SMARCA2: variants seen among roughly 807,000 people sequenced by gnomAD.
SMARCA2 encodes SWI/SNF related BAF chromatin remodeling complex subunit ATPase 2.
A neutral mutation model predicts 199.8 loss-of-function variants in SMARCA2; 61 were observed. That is an observed-to-expected ratio of 0.31 (90% CI 0.25 to 0.38). SMARCA2 has a LOEUF of 0.38. SMARCA2 is among the 10% of genes least tolerant of loss of function. The probability of loss-of-function intolerance (pLI) is 1.00; values close to 1 mark genes in which losing one functional copy is unlikely to be tolerated. For synonymous variants in SMARCA2, 935 were observed against 732.0 expected, an observed-to-expected ratio of 1.28 and a Z score of -4.48; for missense variants, 1,344 against 2,012.2, an observed-to-expected ratio of 0.67 and a Z score of 6.35.
At chr9:2,149,180 C>T (rs548015127) in intron 27 of SMARCA2, among the ~76,000 whole-genome samples, 1 of 151,252 alleles carries the variant, frequency 6.6e-6, no homozygotes, top group East Asian at 1.9e-4. Flanking sequence ...GCAAAAGGCA[C>T]TTCTTACATG....
chr9:2,040,216 A>G (rs1477797369), intron 4 of SMARCA2: 1 of 567,334 alleles, frequency 1.8e-6, no homozygotes, highest in Non-Finnish European at 3.1e-6. Flanking sequence ...CACAAGGTTA[A>G]GAACCTCTGG....
intron 3 of SMARCA2, among the ~76,000 whole-genome samples, chr9:2,036,618 C>T (rs372841431): frequency 1.3e-5 from 2 of 152,264 alleles, no homozygotes; most frequent in South Asian, 2.1e-4. Context: ...CTATTCACAT[C>T]CCCTACAAAT....
Position 2,103,994 on chromosome 9 carries a change from TG to T in SMARCA2, c.3126-6del, listed in dbSNP as rs1271501965. ...CTGTCTTCTTGTTTTTGCATTTTTT[TG>T]GGTTCAGGGCTGAACTGTATCGGGC... On this transcript the variant is annotated splice_polypyrimidine_tract_variant and splice_region_variant and intron_variant, in intron 22 of 33. Coordinates refer to ENST00000349721, the MANE Select transcript of SMARCA2 (RefSeq NM_003070.5). 4 of 1,609,424 alleles carry T rather than the reference TG, an allele frequency of 2.5e-6. No individual in the cohort carries two copies. The highest frequency in any genetic ancestry group is 3.4e-6 in the Non-Finnish European group (4 of 1,177,884).
Position 2,088,624 on chromosome 9 carries a change from C to T in SMARCA2, c.2883+11C>T, listed in dbSNP as rs565276320. The T allele has an allele frequency of 6.4e-7, 1 of 1,561,846 alleles. No homozygotes were observed. Among genetic ancestry groups the T allele is most frequent in the South Asian group, 1.2e-5 (1 of 83,430 alleles). On this transcript the variant is annotated intron_variant, in intron 19 of 33. Coordinates refer to ENST00000349721, the MANE Select transcript of SMARCA2 (RefSeq NM_003070.5). ...CAGCTTCCCGAAAAAGTATGTTGCA[C>T]AACCAAAAGTTGTGGGTTTTTTTTT...
At chr9:2,053,340 G>T (rs1438980346) in intron 5 of SMARCA2, among the ~76,000 whole-genome samples, 2 of 152,150 alleles carry the variant, frequency 1.3e-5, no homozygotes, top group Admixed American at 6.5e-5. Flanking sequence ...ATTTTTAACA[G>T]AATTCTTAAT....
At chr9:2,107,448 G>C (rs1395154608) in intron 23 of SMARCA2, among the ~76,000 whole-genome samples, 1 of 152,170 alleles carries the variant, frequency 6.6e-6, no homozygotes, top group Non-Finnish European at 1.5e-5. Flanking sequence ...CTCCCAAGTA[G>C]CTGGGATTAC....
chr9:2,128,477 C>T (rs1332588750), intron 27 of SMARCA2, among the ~76,000 whole-genome samples: 1 of 152,212 alleles, frequency 6.6e-6, no homozygotes, highest in African/African-American at 2.4e-5. Flanking sequence ...TGACTGATTT[C>T]TCCACACTGT....
chr9:2,193,559 T>G lies in SMARCA2; in HGVS notation c.*820T>G, dbSNP rs1343922659. 1.3e-5 allele frequency: 2 copies of G among 152,662 alleles called. No homozygotes were observed. The highest frequency in any genetic ancestry group is 1.3e-4 in the Admixed American group (2 of 15,286). The allele number at this position is 152,662 out of a possible 1,614,324, so 9.5% of individuals were successfully genotyped here. A position where few individuals can be genotyped will look rare whatever the true frequency, so the allele number is the denominator to read the frequency against. ...AGTCATAAGCCTGAGGCAAATAAAA[T>G]TCCAGTAATTTCGAAGAATGTGGTG... On this transcript the variant is annotated 3_prime_UTR_variant, in exon 34 of 34. Transcript: ENST00000349721.
Position 2,039,860 on chromosome 9 carries a change from A to G in SMARCA2, c.750A>G (p.Gln250=), listed in dbSNP as rs62639302. The change falls in exon 4 of 34, where the codon CAA becomes CAG. Residue 250 remains glutamine (Q), a synonymous_variant. Coordinates refer to ENST00000349721, the MANE Select transcript of SMARCA2 (RefSeq NM_003070.5). This position sits in a 1 kb window ranked among gnomAD's most constrained non-coding sequence, Gnocchi z 4.8. ...QQQPPQPQTQ[Q]QQQPALVNYN... ...AGCCGCCGCAACCACAGACGCAGCA[A>G]CAACAGCAGCCGGCCCTTGTTAACT... is the stretch of plus-strand genomic sequence containing the variant. 2,319 of 1,613,712 alleles carry G rather than the reference A, an allele frequency of 1.4e-3. 27 individuals are homozygous for G. The African/African-American group carries it at 0.027, about 19-fold the overall frequency.
rs375056248 is a variant in SMARCA2 at position 2,088,879 on chromosome 9, A to ATTTTTTTT, written c.2883+274_2883+281dup. Among the ~76,000 whole-genome samples the ATTTTTTTT allele has an allele frequency of 0.16, 22,460 of 137,438 alleles. 2,479 individuals carry two copies. The highest frequency in any genetic ancestry group is 0.3 in the African/African-American group (10,498 of 34,614). 90.2% of individuals were successfully genotyped at this position (137,438 alleles called of 152,430 possible). A position where few individuals can be genotyped will look rare whatever the true frequency, so the allele number is the denominator to read the frequency against. On this transcript the variant is annotated intron_variant, in intron 19 of 33. Coordinates refer to ENST00000349721, the MANE Select transcript of SMARCA2 (RefSeq NM_003070.5). ...AGTCTCATTTACATTTTAATTTTAG[A>ATTTTTTTT]TTTTTTTTTTTTTTTAAATTACGGA...
intron 29 of SMARCA2, among the ~76,000 whole-genome samples, chr9:2,176,211 C>T (rs559970707): frequency 1.1e-3 from 124 of 113,966 alleles, no homozygotes; most frequent in Non-Finnish European, 1.6e-3. Context: ...TTTATAATGA[C>T]GTAACAAGCA....
In SMARCA2 at chr9:2,040,083, C is replaced by T. The variant is rs534158272; in HGVS notation, c.790+183C>T. On this transcript the variant is annotated intron_variant, in intron 4 of 33. Coordinates refer to ENST00000349721, the MANE Select transcript of SMARCA2 (RefSeq NM_003070.5). ...TCTTGGTCTTCCCCTGCTGTTGAGA[C>T]CTAGGGCAGTGTTTCTTAACCTTAA... 1.3e-4 allele frequency: 159 copies of T among 1,192,736 alleles called. No individual in the cohort carries two copies. In the African/African-American group the frequency reaches 2.2e-3, roughly 17 times the overall value. The allele number at this position is 1,192,736 out of a possible 1,614,324, so 73.9% of individuals were successfully genotyped here. A position where few individuals can be genotyped will look rare whatever the true frequency, so the allele number is the denominator to read the frequency against.
At chr9:2,102,421 T>A (rs1189991277) in intron 22 of SMARCA2, among the ~76,000 whole-genome samples, 1 of 152,160 alleles carries the variant, frequency 6.6e-6, no homozygotes, top group Non-Finnish European at 1.5e-5. Flanking sequence ...GAGTGGAGGA[T>A]GGATGTCGGG....
chr9:2,069,592 T>C (rs1821003422), intron 9 of SMARCA2, among the ~76,000 whole-genome samples: 1 of 151,778 alleles, frequency 6.6e-6, no homozygotes, highest in Non-Finnish European at 1.5e-5. Context: ...GATAACAGAA[T>C]TCTTCATCAG....
intron 29 of SMARCA2, among the ~76,000 whole-genome samples, chr9:2,171,648 G>A (rs1485843930): frequency 6.6e-6 from 1 of 152,158 alleles, no homozygotes; most frequent in Admixed American, 6.5e-5. Context: ...AACTCAGTCT[G>A]GATTCTGACT....
intron 3 of SMARCA2, among the ~76,000 whole-genome samples, chr9:2,033,896 G>A (rs1406113996): frequency 2.0e-5 from 3 of 152,136 alleles, no homozygotes; most frequent in South Asian, 2.1e-4. Context: ...CCATTCATTG[G>A]ATTAGGGTCT....
chr9:2,048,220 A>C (rs746094476), intron 5 of SMARCA2, among the ~76,000 whole-genome samples: 3 of 152,174 alleles, frequency 2.0e-5, no homozygotes, highest in African/African-American at 2.4e-5. Flanking sequence ...CCTGATGTAA[A>C]TGGTTAATGT....
intron 18 of SMARCA2, chr9:2,087,336 G>A (rs191816667): frequency 1.2e-4 from 54 of 444,062 alleles, no homozygotes; most frequent in Admixed American, 7.1e-4. Flanking sequence ...GGTCCCAACC[G>A]GTGGAATGCT....
intron 9 of SMARCA2, among the ~76,000 whole-genome samples, chr9:2,062,014 G>A (rs10811361): frequency 0.31 from 46,927 of 151,960 alleles, 9,236 homozygotes; most frequent in African/African-American, 0.56. Context: ...TTTCTTGTCA[G>A]TGTAGCATTA....
Sources: allele counts gnomAD v4.1 joint callset (sites outside exome capture counted in the v4.1 genomes callset), GRCh38; gene constraint gnomAD v4.1.1; non-coding constraint Gnocchi (gnomAD v3.1); transcripts MANE v1.5; gene names NCBI Gene and HGNC (gene_info 2026-07-23, HGNC 2026-07-21).